MAN1C1: variants seen among roughly 807,000 people sequenced by gnomAD.
MAN1C1 encodes mannosyl-oligosaccharide 1,2-alpha-mannosidase IC.
Under a neutral mutation model 71.5 loss-of-function variants are expected in MAN1C1, and 49 were observed. The observed-to-expected ratio is 0.69, with a 90% CI of 0.54 to 0.87. MAN1C1 has a LOEUF of 0.87. Among genes scored for constraint, MAN1C1 ranks in the 40% least tolerant of loss-of-function variants. MAN1C1 has a pLI of 0.00. For missense variants in MAN1C1, 743 were observed against 835.0 expected (o/e 0.89, Z 1.36); for synonymous variants, 352 against 343.7 (o/e 1.02, Z -0.27).
At chr1:25,629,738 T>C (rs1252960061) in intron 1 of MAN1C1, among the ~76,000 whole-genome samples, 3 of 148,270 alleles carry the variant, frequency 2.0e-5, no homozygotes, top group South Asian at 2.1e-4. Flanking sequence ...CACTTTTTAA[T>C]TGATTTTTTT....
chr1:25,686,026 A>G (rs2744777), intron 1 of MAN1C1, among the ~76,000 whole-genome samples: 2 of 152,328 alleles, frequency 1.3e-5, no homozygotes, highest in Admixed American at 6.5e-5. Context: ...CTCCTTAGCT[A>G]TAAAATGGGT....
chr1:25,774,710 C>T (rs2047596780), intron 8 of MAN1C1, among the ~76,000 whole-genome samples: 1 of 152,218 alleles, frequency 6.6e-6, no homozygotes, highest in African/African-American at 2.4e-5. Context: ...GGTCATCTAG[C>T]TCCTAAATCG....
chr1:25,618,312 G>T lies in MAN1C1; in HGVS notation c.515G>T (p.Arg172Leu), dbSNP rs2045145489. 2 of 1,601,882 alleles carry T rather than the reference G, an allele frequency of 1.2e-6. No homozygotes were observed. The highest frequency in any genetic ancestry group is 2.7e-5 in the African/African-American group (2 of 74,526). ...DESQEPQSQV[R>L]AQREKIKEMM... ...AGTCAGGAGCCCCAGAGCCAAGTGC[G>T]AGCCCAGCGGGAGAAAATCAAGGAG... Residue 172 changes from arginine to leucine, a missense_variant, in exon 1 of 12, where the codon CGA becomes CTA. Arg to Leu is a moderately radical substitution (Grantham distance 102). Transcript: ENST00000374332.
At chr1:25,629,031 T>C (rs991807064) in intron 1 of MAN1C1, among the ~76,000 whole-genome samples, 9 of 152,194 alleles carry the variant, frequency 5.9e-5, no homozygotes, top group African/African-American at 2.2e-4. Flanking sequence ...ATCTTTGCAA[T>C]TGTGAATTGT....
chr1:25,745,471 A>G (rs1409875361), intron 2 of MAN1C1, among the ~76,000 whole-genome samples: 1 of 152,084 alleles, frequency 6.6e-6, no homozygotes, highest in Non-Finnish European at 1.5e-5. Context: ...GTACACTTAC[A>G]CTTTGATGTA....
Position 25,783,836 on chromosome 1 carries a change from C to CT in MAN1C1, c.*51dup. 6.3e-7 allele frequency: 1 copy of CT among 1,593,750 alleles called. No homozygotes were observed. The highest frequency in any genetic ancestry group is 8.5e-7 in the Non-Finnish European group (1 of 1,174,298). On this transcript the variant is annotated 3_prime_UTR_variant, in exon 12 of 12. Coordinates refer to ENST00000374332, the MANE Select transcript of MAN1C1 (RefSeq NM_020379.4). ...TGGGGCCGCCGCAGGGATGCCTTGC[C>CT]TTTTCAGGATTTGAGACTGTTCTCA...
intron 1 of MAN1C1, among the ~76,000 whole-genome samples, chr1:25,677,846 CTTTTTTTTTTTT>C (rs772618301): frequency 4.1e-5 from 4 of 98,308 alleles, no homozygotes; most frequent in Admixed American, 2.4e-4. Context: ...TAAAGACCTC[CTTTTTTTTTTTT>C]TTTTTTTTTT....
rs189799848 is a variant in MAN1C1 at position 25,695,832 on chromosome 1, G to A, written c.637+9296G>A. ...CGCTCTGGCGCCAGCAGCCGAGTGA[G>A]CCGGCCTCCTCTGGGCCTCGTCTCT... On this transcript the variant is annotated intron_variant, in intron 2 of 11. Transcript: ENST00000374332. Among the ~76,000 whole-genome samples, 3 of 152,392 alleles carry A rather than the reference G, an allele frequency of 2.0e-5. No individual in the cohort carries two copies. The East Asian group carries it at 5.8e-4, about 29-fold the overall frequency.
At chr1:25,665,506 T>C (rs1298422210) in intron 1 of MAN1C1, among the ~76,000 whole-genome samples, 1 of 152,230 alleles carries the variant, frequency 6.6e-6, no homozygotes, top group East Asian at 1.9e-4. Context: ...GTTAGCTGCA[T>C]TCTGCCATCA....
At chr1:25,780,903 G>T (rs373713652) in intron 9 of MAN1C1, 37 bp from the exon 10 acceptor site, 2 of 1,602,594 alleles carry the variant, frequency 1.2e-6, no homozygotes. Flanking sequence ...GGAGGTGGGA[G>T]GTCTGACCTG....
At position 25,717,999 on chromosome 1, in the gene MAN1C1, T is replaced by TACACACAC. The variant is rs71577794; in HGVS notation, c.638-28649_638-28642dup. Among the ~76,000 whole-genome samples the TACACACAC allele has an allele frequency of 4.1e-3, 608 of 148,590 alleles. 7 individuals carry two copies. The highest frequency in any genetic ancestry group is 0.013 in the African/African-American group (527 of 40,570). On this transcript the variant is annotated intron_variant, in intron 2 of 11. Coordinates refer to ENST00000374332, the MANE Select transcript of MAN1C1 (RefSeq NM_020379.4). ...GTTGATATCACACTATAGCTTTATT[T>TACACACAC]ACACACACACACACACACACACACA...
At chr1:25,691,059 G>A (rs948510934) in intron 2 of MAN1C1, among the ~76,000 whole-genome samples, 3 of 152,322 alleles carry the variant, frequency 2.0e-5, no homozygotes, top group East Asian at 1.9e-4. Flanking sequence ...GCTTACACCC[G>A]TAGTCCCAGC....
chr1:25,684,882 C>T (rs2046207792), intron 1 of MAN1C1, among the ~76,000 whole-genome samples: 1 of 152,202 alleles, frequency 6.6e-6, no homozygotes, highest in Non-Finnish European at 1.5e-5. Context: ...CATGTGGCCC[C>T]TGGGCCAGCA....
At chr1:25,767,145 C>G (rs921853354) in intron 7 of MAN1C1, among the ~76,000 whole-genome samples, 1 of 150,178 alleles carries the variant, frequency 6.7e-6, no homozygotes, top group Non-Finnish European at 1.5e-5. Context: ...GGGAAGACCA[C>G]ACTCGTACAC....
At chr1:25,770,617 G>A (rs2047536933) in intron 7 of MAN1C1, among the ~76,000 whole-genome samples, 1 of 152,204 alleles carries the variant, frequency 6.6e-6, no homozygotes, top group South Asian at 2.1e-4. Context: ...CTTGCAGGGT[G>A]CCCAGGAAGA....
At chr1:25,732,039 G>A (rs1457454838) in intron 2 of MAN1C1, among the ~76,000 whole-genome samples, 2 of 152,166 alleles carry the variant, frequency 1.3e-5, no homozygotes, top group African/African-American at 4.8e-5. Flanking sequence ...GTGAGCCTGG[G>A]CCAGGGGATC....
At chr1:25,781,431 C>T (rs1050014563) in intron 10 of MAN1C1, among the ~76,000 whole-genome samples, 1 of 152,066 alleles carries the variant, frequency 6.6e-6, no homozygotes, top group Admixed American at 6.5e-5. Context: ...GCAGGCACCA[C>T]GCGGCCACCG....
intron 10 of MAN1C1, 196 bp downstream of exon 10, chr1:25,781,308 C>G (rs1451023527): frequency 3.3e-6 from 2 of 599,252 alleles, no homozygotes; most frequent in African/African-American, 3.7e-5. Flanking sequence ...TGTCCTGAGA[C>G]AGGACAGGCC....
rs200976944 is a variant in MAN1C1 at position 25,689,779 on chromosome 1, TG to T, written c.637+3245del. Reference sequence around the variant, plus strand: ...ACATGGGACACTGGGTGCAGTCAGGTGGCAGGTTGTGCCCATTCTGCTGTGC... The same window carrying T: ...ACATGGGACACTGGGTGCAGTCAGGTGCAGGTTGTGCCCATTCTGCTGTGC... On this transcript the variant is annotated intron_variant, in intron 2 of 11. Coordinates refer to ENST00000374332, the MANE Select transcript of MAN1C1 (RefSeq NM_020379.4). Among the ~76,000 whole-genome samples the T allele has an allele frequency of 9.8e-3, 1,489 of 152,324 alleles. 27 individuals carry two copies. Among genetic ancestry groups the T allele is most frequent in the African/African-American group, 0.032 (1,323 of 41,566 alleles).
Sources: allele counts gnomAD v4.1 joint callset (sites outside exome capture counted in the v4.1 genomes callset), GRCh38; gene constraint gnomAD v4.1.1; transcripts MANE v1.5; gene names NCBI Gene and HGNC (gene_info 2026-07-23, HGNC 2026-07-21).